GALK2: variants seen among roughly 807,000 people sequenced by gnomAD.
The protein encoded by GALK2 is galactokinase 2, also known as N-acetylgalactosamine kinase.
GALK2 carries 36 observed loss-of-function variants against 52.4 expected under a neutral mutation model. That is an observed-to-expected ratio of 0.69 (90% CI 0.53 to 0.91). GALK2 has a LOEUF of 0.91. GALK2 is among the 40% of genes least tolerant of loss of function. The pLI, the probability that GALK2 is intolerant of heterozygous loss-of-function variation, is 0.00. For synonymous variants in GALK2, 176 were observed against 199.1 expected (o/e 0.88, Z 0.98); for missense variants, 579 against 559.1 (o/e 1.04, Z -0.36).
At chr15:49,366,726 C>G in intron 3 of GALK2, 3 of 1,100,210 alleles carry the variant, frequency 2.7e-6, no homozygotes, top group Non-Finnish European at 4.0e-6. Context: ...GCGCGGCTCA[C>G]TAGGTGGGGT....
Position 49,275,882 on chromosome 15 carries a change from A to T in GALK2, c.505-6105A>T, listed in dbSNP as rs534350086. On this transcript the variant is annotated intron_variant, in intron 5 of 9. Coordinates refer to ENST00000560031, the MANE Select transcript of GALK2 (RefSeq NM_002044.4). ...TACCTGGAGTTCCACTGGCATGCAG[A>T]TGGATAAACTTTAATTTAGGAAGCC... Among the ~76,000 whole-genome samples, 3 of 152,250 alleles carry T rather than the reference A, an allele frequency of 2.0e-5. No individual in the cohort carries two copies. The East Asian group carries it at 5.8e-4, about 29-fold the overall frequency.
chr15:49,218,724 C>G lies in GALK2; in HGVS notation c.266+1411C>G, dbSNP rs145140574. ...ACATTTAGATCATTCCCAGTTTTTG[C>G]CTGTATGAATAATACTGCTACAAAT... On this transcript the variant is annotated intron_variant, in intron 3 of 9. Coordinates refer to ENST00000560031, the MANE Select transcript of GALK2 (RefSeq NM_002044.4). 7.8e-3 allele frequency among the ~76,000 whole-genome samples: 1,189 copies of G among 152,256 alleles called. 46 individuals are homozygous for G. The highest frequency in any genetic ancestry group is 0.073 in the Admixed American group (1,118 of 15,308).
intron 5 of GALK2, among the ~76,000 whole-genome samples, chr15:49,273,771 G>A (rs1310782628): frequency 6.6e-6 from 1 of 152,112 alleles, no homozygotes; most frequent in Non-Finnish European, 1.5e-5. Flanking sequence ...TAGAAATTTT[G>A]AAAGTTAGGG....
At chr15:49,318,952 TTC>T (rs1461793284) in intron 8 of GALK2, 14 of 448,642 alleles carry the variant, frequency 3.1e-5, no homozygotes, top group South Asian at 1.9e-4. Context: ...TTTTCTTTCT[TTC>T]TTTTTTTTTT....
chr15:49,245,507 G>A (rs190333918), intron 5 of GALK2, among the ~76,000 whole-genome samples: 1 of 152,240 alleles, frequency 6.6e-6, no homozygotes, highest in East Asian at 1.9e-4. Context: ...ACCACACCTG[G>A]GGGAACCTGA....
chr15:49,214,289 A>AC (rs917621450), intron 2 of GALK2, among the ~76,000 whole-genome samples: 1 of 150,812 alleles, frequency 6.6e-6, no homozygotes, highest in Non-Finnish European at 1.5e-5. Flanking sequence ...AAACAAAAAA[A>AC]CCCCCCAAAA....
Position 49,235,921 on chromosome 15 carries a change from T to C in GALK2, c.337T>C (p.Cys113Arg). 6.2e-7 allele frequency: 1 copy of C among 1,611,836 alleles called. No individual in the cohort carries two copies. Among genetic ancestry groups the C allele is most frequent in the Non-Finnish European group, 8.5e-7 (1 of 1,177,880 alleles). The change falls in exon 4 of 10, where the codon TGT (cysteine) becomes CGT (arginine). Residue 113 changes from cysteine to arginine, a missense_variant. Cys to Arg is a radical substitution (Grantham distance 180, BLOSUM62 -3). Coordinates refer to ENST00000560031, the MANE Select transcript of GALK2 (RefSeq NM_002044.4). Reference protein sequence around the residue: ...TKPLWHNYFLCGLKGIQEHFG... With the variant: ...TKPLWHNYFLRGLKGIQEHFG... The stretch of plus-strand genomic sequence containing the variant: ...GCCTTTGTGGCACAACTATTTCTTA[T>C]GTGGACTTAAAGGAATTCAGGTAAA...
At position 49,328,094 on chromosome 15, in the gene GALK2, C is replaced by A. The variant is rs984738916; in HGVS notation, c.1312C>A (p.Pro438Thr). ...CCAGAGGAGTGATGGAAGCTTAGCA[C>A]CGGAGAAGCAAAGTTTGTTTGCTAC... ...YYQRSDGSLA[P>T]EKQSLFATKP... Residue 438 changes from proline (P) to threonine (T), a missense_variant, in exon 10 of 10, where the codon CCG becomes ACG. Physicochemically the swap from Pro to Thr is conservative, Grantham distance 38. Coordinates refer to ENST00000560031, the MANE Select transcript of GALK2 (RefSeq NM_002044.4). 6.2e-7 allele frequency: 1 copy of A among 1,613,982 alleles called. No homozygotes were observed. The highest frequency in any genetic ancestry group is 8.5e-7 in the Non-Finnish European group (1 of 1,179,960).
intron 3 of GALK2, among the ~76,000 whole-genome samples, chr15:49,223,991 T>TA (rs1387608728): frequency 6.6e-6 from 1 of 152,196 alleles, no homozygotes; most frequent in Non-Finnish European, 1.5e-5. Flanking sequence ...GTGGCTGAAC[T>TA]AATTTACACT....
chr15:49,287,248 A>G (rs2033468480), intron 7 of GALK2, among the ~76,000 whole-genome samples: 1 of 152,180 alleles, frequency 6.6e-6, no homozygotes. Flanking sequence ...TTTTTGCTAC[A>G]CACTCCTCCC....
intron 2 of GALK2, among the ~76,000 whole-genome samples, chr15:49,201,869 A>G (rs1386512043): frequency 6.6e-6 from 1 of 151,838 alleles, no homozygotes; most frequent in Non-Finnish European, 1.5e-5. Flanking sequence ...ATCTATTTCC[A>G]TTTTCTGCTG....
intron 7 of GALK2, among the ~76,000 whole-genome samples, chr15:49,287,959 T>TCTC (rs10686559): frequency 2.0e-5 from 3 of 151,486 alleles, no homozygotes; most frequent in Non-Finnish European, 4.4e-5. Context: ...CTCTGTCTCT[T>TCTC]TCTCTCCATC....
chr15:49,261,819 A>G (rs982496459), intron 5 of GALK2, among the ~76,000 whole-genome samples: 1 of 152,084 alleles, frequency 6.6e-6, no homozygotes, highest in Admixed American at 6.5e-5. Flanking sequence ...GCATCTATTG[A>G]GATAATCATG....
At chr15:49,232,750 TC>T (rs1413884496) in intron 3 of GALK2, among the ~76,000 whole-genome samples, 2 of 152,214 alleles carry the variant, frequency 1.3e-5, no homozygotes, top group African/African-American at 4.8e-5. Flanking sequence ...AGTTCAAAGT[TC>T]CACATACCCC....
Position 49,290,164 on chromosome 15 carries a change from T to C in GALK2, c.757-2163T>C, listed in dbSNP as rs900641514. 2.6e-5 allele frequency among the ~76,000 whole-genome samples: 4 copies of C among 152,356 alleles called. No homozygotes were observed. In the South Asian group the frequency reaches 8.3e-4, roughly 32 times the overall value. On this transcript the variant is annotated intron_variant, in intron 7 of 9. Coordinates refer to ENST00000560031, the MANE Select transcript of GALK2 (RefSeq NM_002044.4). Reference sequence around the variant, plus strand: ...AAGTGCCTCCATGAAGCTCTGTCTTTGAACAATGGTGATCTTATCCACCCA... The same window carrying C: ...AAGTGCCTCCATGAAGCTCTGTCTTCGAACAATGGTGATCTTATCCACCCA...
intron 3 of GALK2, among the ~76,000 whole-genome samples, chr15:49,217,655 C>T (rs538657011): frequency 6.6e-6 from 1 of 152,228 alleles, no homozygotes; most frequent in East Asian, 1.9e-4. Context: ...TACTATGGCA[C>T]CTTCTAAGTA....
intron 3 of GALK2, among the ~76,000 whole-genome samples, chr15:49,234,822 A>G (rs963134519): frequency 1.3e-5 from 2 of 151,320 alleles, no homozygotes; most frequent in African/African-American, 4.9e-5. Context: ...GCTGGGGTGC[A>G]GTGGCACGAT....
At chr15:49,284,248 A>C (rs963245106) in intron 7 of GALK2, among the ~76,000 whole-genome samples, 4 of 152,174 alleles carry the variant, frequency 2.6e-5, no homozygotes, top group African/African-American at 9.7e-5. Context: ...GTTAAACCTT[A>C]AATCTATTTA....
chr15:49,337,483 A>ATGTCTTCGTTTG (rs2039933312), intron 3 of GALK2, among the ~76,000 whole-genome samples: 1 of 23,736 alleles, frequency 4.2e-5, no homozygotes, highest in Non-Finnish European at 1.1e-4. Context: ...GGACACTTGC[A>ATGTCTTCGTTTG]ATGTCTGTTC....
Sources: gnomAD v4.1 joint callset for allele counts (sites outside exome capture counted in the v4.1 genomes callset) on GRCh38, gnomAD v4.1.1 for gene constraint, MANE v1.5 for transcripts, NCBI Gene and HGNC (gene_info 2026-07-23, HGNC 2026-07-21) for gene names.